The following CHD8 variants were observed in gnomAD, a reference collection of about 807,000 sequenced individuals.
The protein encoded by CHD8 is ATP-dependent chromatin remodeler CHD8.
Under a neutral mutation model 279.2 loss-of-function variants are expected in CHD8, and 31 were observed. The observed-to-expected ratio is 0.11, with a 90% CI of 0.08 to 0.15. The LOEUF is 0.15. CHD8 is among the 10% of genes least tolerant of loss of function. The pLI is 1.00. For synonymous variants in CHD8, 1,081 were observed against 1,139.6 expected (o/e 0.95, Z 1.04); for missense variants, 2,146 against 3,230.5 (o/e 0.66, Z 8.14).
rs565918098 is a variant in CHD8, at chr14:21,428,155, G to A, written c.1315C>T (p.His439Tyr). The change falls in exon 4 of 38, where the codon CAT (histidine) becomes TAT (tyrosine). Residue 439 changes from histidine (H) to tyrosine (Y), a missense_variant. His to Tyr is a moderately conservative substitution (Grantham distance 83, BLOSUM62 2). Around this residue, in one of 26 missense-constraint regions of CHD8, gnomAD observed 170 missense variants for 189.9 expected, o/e 0.90. Transcript: ENST00000646647. ...TCCATTCCTGTCTTTCCCCCCGAAT[G>A]AGGAGCAGAGCTTGCTGGTGATGAC... ...ALSSPASSAP[H>Y]SGGKTGMEEN... 16 of 1,613,988 alleles carry A rather than the reference G, an allele frequency of 9.9e-6. No homozygotes were observed. In the East Asian group the frequency reaches 1.3e-4, roughly 13 times the overall value.
intron 16 of CHD8, among the ~76,000 whole-genome samples, chr14:21,404,506 T>C (rs75127292): frequency 0.025 from 3,768 of 151,488 alleles, 52 homozygotes; most frequent in African/African-American, 0.033. Flanking sequence ...TGTAAATATG[T>C]GGACAAGGAC....
intron 5 of CHD8, among the ~76,000 whole-genome samples, chr14:21,424,824 A>G (rs574414695): frequency 6.6e-6 from 1 of 152,304 alleles, no homozygotes; most frequent in East Asian, 1.9e-4. Context: ...TCAGTTTGTC[A>G]ATGTACCGAA....
At position 21,431,644 on chromosome 14, in the gene CHD8, C is replaced by T. The variant is rs375043337; in HGVS notation, c.-1G>A. 2.6e-6 allele frequency: 4 copies of T among 1,543,828 alleles called. No homozygotes were observed. The highest frequency in any genetic ancestry group is 2.4e-5 in the East Asian group (1 of 41,404). On this transcript the variant is annotated 5_prime_UTR_variant, in exon 2 of 38. Transcript: ENST00000646647. ...ACAGATCCATGATGGGGTCTGCCATCTTGGGAAAGTAATGGAGGGTACTTC... is the reference window on the plus strand; with the variant it reads ...ACAGATCCATGATGGGGTCTGCCATTTTGGGAAAGTAATGGAGGGTACTTC...
Position 21,429,699 on chromosome 14 carries a change from AC to A in CHD8, c.844-365del, listed in dbSNP as rs540345091. 7.0e-4 allele frequency: 259 copies of A among 367,924 alleles called. 1 individual carries two copies. The highest frequency in any genetic ancestry group is 5.1e-3 in the African/African-American group (241 of 47,490). The allele number at this position is 367,924 out of a possible 1,614,324, so 22.8% of individuals were successfully genotyped here. On this transcript the variant is annotated intron_variant, in intron 2 of 37. Transcript: ENST00000646647. The stretch of plus-strand genomic sequence containing the variant: ...TATTGATGTCAAACTTAGTGCAGAC[AC>A]CTGATTGGCATAGCACACCACAGCC...
At position 21,431,416 on chromosome 14, in the gene CHD8, T is replaced by C. The variant is rs763752903; in HGVS notation, c.228A>G (p.Thr76=). 77 of 1,537,168 alleles carry C rather than the reference T, an allele frequency of 5.0e-5. No individual in the cohort carries two copies. Among genetic ancestry groups the C allele is most frequent in the Admixed American group, 2.0e-4 (10 of 50,988 alleles). The part of the protein sequence containing the change: ...LVPPPEETAP[T]ELSKESTAPA... The stretch of plus-strand genomic sequence containing the variant: ...GAGCTGTGGATTCTTTGGAAAGTTC[T>C]GTGGGAGCTGTTTCCTCTGGTGGAG... Residue 76 remains threonine, a synonymous_variant, in exon 2 of 38, where the codon ACA becomes ACG. Coordinates refer to ENST00000646647, the MANE Select transcript of CHD8 (RefSeq NM_001170629.2).
chr14:21,404,398 TAA>T (rs974957250), intron 16 of CHD8, among the ~76,000 whole-genome samples: 25 of 98,626 alleles, frequency 2.5e-4, no homozygotes, highest in African/African-American at 5.2e-4. Context: ...AACTCCATCT[TAA>T]AAAAAAAAAA....
At position 21,431,010 on chromosome 14, in the gene CHD8, G is replaced by A. The variant is rs556977377; in HGVS notation, c.634C>T (p.Arg212Ter). Residue 212 changes from arginine (R) to a stop codon, truncating the protein, a stop_gained, in exon 2 of 38, where the codon CGA (arginine) becomes TGA (stop). Coordinates refer to ENST00000646647, the MANE Select transcript of CHD8 (RefSeq NM_001170629.2). LOFTEE classifies it high-confidence loss of function. ...FTKVLTGTPL[R>*]PGVSIVSGNT... ...CCAGAGACAATGGAAACACCTGGTC[G>A]AAGGGGTGTGCCGGTTAGCACTTTG... 2 of 1,599,482 alleles carry A rather than the reference G, an allele frequency of 1.3e-6. No individual in the cohort carries two copies. The highest frequency in any genetic ancestry group is 1.3e-5 in the African/African-American group (1 of 75,074).
In CHD8 at chr14:21,393,726, A is replaced by T; in HGVS notation, c.6069T>A (p.Thr2023=). 1 of 1,613,946 alleles carries T rather than the reference A, an allele frequency of 6.2e-7. No homozygotes were observed. Among genetic ancestry groups the T allele is most frequent in the Non-Finnish European group, 8.5e-7 (1 of 1,179,862 alleles). ...CCACCACCTCGTGCTCTAGCTTTAAAGTCAGACTCTCCAGACTGGGGACCT... is the reference window on the plus strand; with the variant it reads ...CCACCACCTCGTGCTCTAGCTTTAATGTCAGACTCTCCAGACTGGGGACCT... ...ATQVPSLESL[T]LKLEHEVVAR... Residue 2023 remains threonine, a synonymous_variant, in exon 32 of 38, where the codon ACT becomes ACA. Transcript: ENST00000646647.
Position 21,403,753 on chromosome 14 carries a change from T to C in CHD8, c.3308-90A>G. The C allele has an allele frequency of 8.8e-6, 10 of 1,140,218 alleles. No homozygotes were observed. The highest frequency in any genetic ancestry group is 1.3e-5 in the Non-Finnish European group (10 of 790,202). The allele number at this position is 1,140,218 out of a possible 1,614,324, so 70.6% of individuals were successfully genotyped here. A position where few individuals can be genotyped will look rare whatever the true frequency, so the allele number is the denominator to read the frequency against. The stretch of plus-strand genomic sequence containing the variant: ...AACTAAGAAAGCAAAAGGAAAAAAA[T>C]GTAATTTGACTTAAGACCAACATTT... On this transcript the variant is annotated intron_variant, in intron 16 of 37. Coordinates refer to ENST00000646647, the MANE Select transcript of CHD8 (RefSeq NM_001170629.2). This position sits in a 1 kb window ranked among gnomAD's most constrained non-coding sequence, Gnocchi z 4.3.
chr14:21,390,631 A>C (rs981144670), intron 37 of CHD8, among the ~76,000 whole-genome samples: 4 of 152,090 alleles, frequency 2.6e-5, no homozygotes, highest in African/African-American at 9.7e-5. Context: ...TACAAAAATT[A>C]GCCAGGCGCG....
chr14:21,427,602 T>A, intron 4 of CHD8: 1 of 1,441,576 alleles, frequency 6.9e-7, no homozygotes, highest in Non-Finnish European at 9.2e-7. Context: ...AGCACTCACT[T>A]GAGCTTGCTC....
chr14:21,441,670 C>T (rs1018428203), intron 1 of CHD8, among the ~76,000 whole-genome samples: 52 of 151,998 alleles, frequency 3.4e-4, no homozygotes, highest in Middle Eastern at 3.4e-3. Context: ...GGGCATATCA[C>T]GAGGTCAGGA....
At chr14:21,453,349 T>G (rs1890304550) in intron 1 of CHD8, among the ~76,000 whole-genome samples, 2 of 151,818 alleles carry the variant, frequency 1.3e-5, no homozygotes, top group South Asian at 4.1e-4. Context: ...AGCAAAAGTG[T>G]ACAACGTCAG....
intron 37 of CHD8, among the ~76,000 whole-genome samples, chr14:21,386,764 G>A (rs943600075): frequency 5.9e-5 from 9 of 151,662 alleles, no homozygotes; most frequent in African/African-American, 2.4e-5. Flanking sequence ...GTGTGAACCC[G>A]GGAGGCAGAG....
chr14:21,422,578 G>A (rs957620956), intron 5 of CHD8, among the ~76,000 whole-genome samples: 2 of 152,034 alleles, frequency 1.3e-5, no homozygotes, highest in African/African-American at 2.4e-5. Flanking sequence ...AACAAATCAC[G>A]TTCATTTTGT....
At chr14:21,437,116 C>T in intron 1 of CHD8, 1 of 901,180 alleles carries the variant, frequency 1.1e-6, no homozygotes, top group Non-Finnish European at 1.5e-6. Context: ...GCGGAAGCTG[C>T]AGGCCGAGAG....
intron 1 of CHD8, among the ~76,000 whole-genome samples, chr14:21,450,201 T>C (rs1221103545): frequency 6.6e-6 from 1 of 152,242 alleles, no homozygotes; most frequent in African/African-American, 2.4e-5. Context: ...TTTACTTAGA[T>C]AGATGTATAT....
chr14:21,398,198 G>A (rs1887871347), intron 26 of CHD8: 2 of 243,034 alleles, frequency 8.2e-6, no homozygotes, highest in Non-Finnish European at 1.6e-5. Flanking sequence ...GGGATTCCAG[G>A]TGTAAGCCAC....
chr14:21,450,087 G>A (rs1166340079), intron 1 of CHD8, among the ~76,000 whole-genome samples: 2 of 152,094 alleles, frequency 1.3e-5, no homozygotes, highest in Non-Finnish European at 2.9e-5. Context: ...TATGCAACTT[G>A]CTAGCCCCTA....
Sources: allele counts gnomAD v4.1 joint callset (sites outside exome capture counted in the v4.1 genomes callset), GRCh38; gene constraint gnomAD v4.1.1; regional missense constraint gnomAD v4.1.1; non-coding constraint Gnocchi (gnomAD v3.1); transcripts MANE v1.5; gene names NCBI Gene and HGNC (gene_info 2026-07-23, HGNC 2026-07-21).